Variants in CHID1 observed in about 807,000 individuals in gnomAD.
The protein encoded by CHID1 is chitinase domain containing 1, also known as chitinase domain-containing protein 1.
Under a neutral mutation model 55.4 loss-of-function variants are expected in CHID1, and 44 were observed. That is an observed-to-expected ratio of 0.79 (90% confidence interval 0.62 to 1.02). The LOEUF (loss-of-function observed/expected upper bound fraction) is 1.02, where lower values mean the gene tolerates loss of function less well. Among genes scored for constraint, CHID1 ranks in the 50% least tolerant of loss-of-function variants. The probability of loss-of-function intolerance (pLI) is 0.00; values close to 1 mark genes in which losing one functional copy is unlikely to be tolerated. For missense variants in CHID1, 491 were observed against 515.3 expected, an observed-to-expected ratio of 0.95 and a Z score of 0.46; for synonymous variants, 216 against 212.9, an observed-to-expected ratio of 1.01 and a Z score of -0.13.
At chr11:871,773 G>T (rs984532634) in intron 10 of CHID1, among the ~76,000 whole-genome samples, 5 of 152,186 alleles carry the variant, frequency 3.3e-5, no homozygotes, top group African/African-American at 1.2e-4. Flanking sequence ...GGATCCTAAG[G>T]GGTCACAGAT....
chr11:872,596 G>A (rs1205379760), intron 10 of CHID1, among the ~76,000 whole-genome samples: 2 of 152,192 alleles, frequency 1.3e-5, no homozygotes, highest in African/African-American at 4.8e-5. Flanking sequence ...GGTCCTTCCA[G>A]AAGCCCCTCC....
chr11:906,230 C>T (rs976356762), intron 1 of CHID1, among the ~76,000 whole-genome samples: 9 of 151,308 alleles, frequency 5.9e-5, no homozygotes, highest in African/African-American at 1.7e-4. Flanking sequence ...CCACTGCGCC[C>T]GGCTGTGGGA....
intron 10 of CHID1, 44 bp downstream of exon 10, chr11:883,104 G>A (rs772668439): frequency 1.0e-5 from 16 of 1,583,628 alleles, no homozygotes; most frequent in Middle Eastern, 3.3e-4. Flanking sequence ...ACCCACCCGC[G>A]CCCAGTGACA....
upstream of CHID1, among the ~76,000 whole-genome samples, chr11:912,750 A>G (rs1220864728): frequency 6.6e-6 from 1 of 151,832 alleles, no homozygotes; most frequent in African/African-American, 2.4e-5. Context: ...AGGCTGAGAC[A>G]GGAGAATGGC....
chr11:887,741 T>C (rs151252035), intron 8 of CHID1, among the ~76,000 whole-genome samples: 86 of 152,298 alleles, frequency 5.6e-4, no homozygotes, highest in Middle Eastern at 3.4e-3. Flanking sequence ...CTATCAGACA[T>C]GTGGGGTCCT....
At chr11:878,714 TA>T in intron 10 of CHID1, among the ~76,000 whole-genome samples, 1 of 152,032 alleles carries the variant, frequency 6.6e-6, no homozygotes, top group East Asian at 1.9e-4. Context: ...CTTTTTTTTT[TA>T]ATTTGAGACA....
intron 1 of CHID1, among the ~76,000 whole-genome samples, chr11:910,205 G>A (rs1466296287): frequency 1.3e-5 from 2 of 152,164 alleles, no homozygotes; most frequent in Non-Finnish European, 2.9e-5. Flanking sequence ...AGCAATGGAA[G>A]CTTCAAGGGT....
intron 10 of CHID1, among the ~76,000 whole-genome samples, chr11:879,923 G>A (rs1849782470): frequency 6.6e-6 from 1 of 152,242 alleles, no homozygotes; most frequent in Non-Finnish European, 1.5e-5. Context: ...GTAAGGTGGG[G>A]GACATGAGCT....
chr11:911,745 T>C (rs796524861), upstream of CHID1, among the ~76,000 whole-genome samples: 4 of 152,342 alleles, frequency 2.6e-5, no homozygotes, highest in African/African-American at 9.6e-5. Context: ...GGCTGGGGGC[T>C]GCATGCGGTG....
rs999803421 is a variant in CHID1, at chr11:873,793, G to A, written c.960-3294C>T. Among the ~76,000 whole-genome samples the A allele has an allele frequency of 5.9e-5, 9 of 152,132 alleles. No individual in the cohort carries two copies. The South Asian group carries it at 6.2e-4, about 11-fold the overall frequency. ...ATGCGGGCTGTACAATTCTGGAAGC[G>A]TGTTAAACGCCACTTTGAAATGGTG... On this transcript the variant is annotated intron_variant, in intron 10 of 12. Transcript: ENST00000323578.
At chr11:911,207 C>T (rs1036902299), upstream of CHID1, 8 of 152,016 alleles carry the variant, frequency 5.3e-5, no homozygotes, top group African/African-American at 1.9e-4. Flanking sequence ...GGCACGCTCC[C>T]CCGGGGACCC....
chr11:887,035 T>A (rs1249785472), intron 8 of CHID1, among the ~76,000 whole-genome samples: 1 of 152,162 alleles, frequency 6.6e-6, no homozygotes, highest in African/African-American at 2.4e-5. Flanking sequence ...TTCTTTCTTT[T>A]CTTCTCTTCT....
At chr11:883,399 G>A (rs1850152237) in intron 9 of CHID1, 96 bp from the exon 10 acceptor site, 1 of 1,279,116 alleles carries the variant, frequency 7.8e-7, no homozygotes, top group Non-Finnish European at 1.1e-6. Flanking sequence ...TCCTCCCCAT[G>A]CTGCGGCTGA....
rs1430474475 is a variant in CHID1 at position 867,976 on chromosome 11, T to A, written c.*1882A>T. 1 of 151,738 alleles carries A rather than the reference T, an allele frequency of 6.6e-6. No homozygotes were observed. Among genetic ancestry groups the A allele is most frequent in the Non-Finnish European group, 1.5e-5 (1 of 67,954 alleles). The allele number at this position is 151,738 out of a possible 1,614,324, so 9.4% of individuals were successfully genotyped here. On this transcript the variant is annotated 3_prime_UTR_variant, in exon 13 of 13. Transcript: ENST00000323578. Reference sequence around the variant, plus strand: ...GGTCAGTTCAGGTTGGGGCATCTGATCCCCAAACTGCACCCCACAATCTCA... The same window carrying A: ...GGTCAGTTCAGGTTGGGGCATCTGAACCCCAAACTGCACCCCACAATCTCA...
At chr11:880,172 G>A (rs114576443) in intron 10 of CHID1, among the ~76,000 whole-genome samples, 365 of 152,362 alleles carry the variant, frequency 2.4e-3, no homozygotes, top group African/African-American at 8.3e-3. Flanking sequence ...CTGGGGCATC[G>A]CCCTCGCCTG....
intron 1 of CHID1, among the ~76,000 whole-genome samples, chr11:905,661 T>C (rs1187756590): frequency 7.4e-5 from 11 of 147,740 alleles, no homozygotes; most frequent in Non-Finnish European, 6.0e-5. Context: ...AGAGCAAGAC[T>C]CCATCTCAAA....
At chr11:891,938 CAAAAAAAAAAAA>C (rs57065345) in intron 8 of CHID1, among the ~76,000 whole-genome samples, 5 of 102,934 alleles carry the variant, frequency 4.9e-5, no homozygotes, top group South Asian at 3.3e-4. Context: ...ACCTCATTTC[CAAAAAAAAAAAA>C]AAAAAAAAAA....
rs149601489 is a variant in CHID1, at chr11:876,884, G to A, written c.959+6264C>T. Among the ~76,000 whole-genome samples, 590 of 152,284 alleles carry A rather than the reference G, an allele frequency of 3.9e-3. 1 individual carries two copies. Among genetic ancestry groups the A allele is most frequent in the Non-Finnish European group, 6.5e-3 (445 of 68,010 alleles). ...GCCACCCAGGATGGGACGTGGGGAC[G>A]GGCACTCTAGGGGCCCCTGAGACCC... is the stretch of plus-strand genomic sequence containing the variant. On this transcript the variant is annotated intron_variant, in intron 10 of 12. Transcript: ENST00000323578.
At chr11:876,311 A>G (rs576213699) in intron 10 of CHID1, among the ~76,000 whole-genome samples, 2 of 152,280 alleles carry the variant, frequency 1.3e-5, no homozygotes, top group South Asian at 2.1e-4. Context: ...TGGTGTCCAG[A>G]GTGGATGACA....
Sources: gnomAD v4.1 joint callset for allele counts (sites outside exome capture counted in the v4.1 genomes callset) on GRCh38, gnomAD v4.1.1 for gene constraint, MANE v1.5 for transcripts, NCBI Gene and HGNC (gene_info 2026-07-23, HGNC 2026-07-21) for gene names.